Variants in PIK3C2G observed in about 807,000 individuals in gnomAD.
PIK3C2G encodes phosphatidylinositol-4-phosphate 3-kinase catalytic subunit type 2 gamma, also known as phosphatidylinositol 3-kinase C2 domain-containing subunit gamma.
Under a neutral mutation model 181.1 loss-of-function variants are expected in PIK3C2G, and 168 were observed. The observed-to-expected ratio is 0.93, with a 90% confidence interval of 0.82 to 1.05. The LOEUF (loss-of-function observed/expected upper bound fraction) is 1.05. PIK3C2G is among the 50% of genes least tolerant of loss of function. The pLI is 0.00. For synonymous variants in PIK3C2G, 573 were observed against 592.2 expected, an observed-to-expected ratio of 0.97 and a Z score of 0.47; for missense variants, 1,869 against 1,732.8, an observed-to-expected ratio of 1.08 and a Z score of -1.40.
chr12:18,506,231 A>G (rs1446874478), intron 24 of PIK3C2G, among the ~76,000 whole-genome samples: 1 of 152,160 alleles, frequency 6.6e-6, no homozygotes, highest in Non-Finnish European at 1.5e-5. Context: ...TCCAGTGACA[A>G]GAAGACCTGG....
intron 25 of PIK3C2G, among the ~76,000 whole-genome samples, chr12:18,541,086 T>C (rs2136249656): frequency 6.6e-6 from 1 of 152,106 alleles, no homozygotes; most frequent in Middle Eastern, 3.4e-3. Flanking sequence ...CCGACTCTTT[T>C]ATGTTAAATT....
At chr12:18,258,890 C>G (rs1393818468), upstream of PIK3C2G, among the ~76,000 whole-genome samples, 1 of 152,062 alleles carries the variant, frequency 6.6e-6, no homozygotes, top group African/African-American at 2.4e-5. Context: ...TCTATTGATT[C>G]ATTTTTTCCC....
chr12:18,309,148 T>C (rs1184713183), intron 5 of PIK3C2G, among the ~76,000 whole-genome samples: 7 of 151,640 alleles, frequency 4.6e-5, no homozygotes, highest in African/African-American at 7.2e-5. Flanking sequence ...AAAAAATCAA[T>C]ACTTTTCACA....
intron 24 of PIK3C2G, among the ~76,000 whole-genome samples, chr12:18,520,696 C>A (rs879894460): frequency 1.3e-5 from 2 of 152,108 alleles, no homozygotes; most frequent in African/African-American, 4.8e-5. Flanking sequence ...CTATTACCCC[C>A]CTTCTGAAGC....
chr12:18,442,117 G>A (rs891445671), intron 18 of PIK3C2G, among the ~76,000 whole-genome samples: 2 of 152,020 alleles, frequency 1.3e-5, no homozygotes, highest in African/African-American at 4.8e-5. Flanking sequence ...ATAGGAATAT[G>A]CAATTAGAAT....
intron 1 of PIK3C2G, among the ~76,000 whole-genome samples, chr12:18,279,877 A>T (rs940508348): frequency 6.6e-6 from 1 of 152,020 alleles, no homozygotes; most frequent in Non-Finnish European, 1.5e-5. Flanking sequence ...TCCCAAATTT[A>T]TCAGTTAGTT....
At chr12:18,338,657 G>A in intron 9 of PIK3C2G, 109 bp downstream of exon 9, 1 of 703,854 alleles carries the variant, frequency 1.4e-6, no homozygotes, top group Non-Finnish European at 2.5e-6. Flanking sequence ...GTATGTTTGT[G>A]TGTATCTGTG....
chr12:18,455,602 G>C lies in PIK3C2G; in HGVS notation c.2504+31563G>C, dbSNP rs182160757. Among the ~76,000 whole-genome samples the C allele has an allele frequency of 6.6e-4, 100 of 152,106 alleles. 1 individual carries two copies. The highest frequency in any genetic ancestry group is 6.1e-3 in the Admixed American group (93 of 15,272). On this transcript the variant is annotated intron_variant, in intron 18 of 32. Coordinates refer to ENST00000538779, the MANE Select transcript of PIK3C2G (RefSeq NM_001288772.2). ...GAATTTATTCCTATCAGTTCTGAAG[G>C]CTACAGAGTCCAAGATCAAGGTACC...
intron 30 of PIK3C2G, among the ~76,000 whole-genome samples, chr12:18,608,717 A>C (rs1411653900): frequency 6.6e-6 from 1 of 152,156 alleles, no homozygotes; most frequent in African/African-American, 2.4e-5. Flanking sequence ...TAATAAAAAA[A>C]GTATAGAATA....
intron 18 of PIK3C2G, among the ~76,000 whole-genome samples, chr12:18,427,324 G>A (rs377687069): frequency 4.0e-5 from 6 of 151,210 alleles, no homozygotes; most frequent in East Asian, 3.9e-4. Flanking sequence ...AGGCCAACAC[G>A]GTGAAACCCC....
intron 3 of PIK3C2G, among the ~76,000 whole-genome samples, chr12:18,290,069 CAT>C (rs1175804753): frequency 6.6e-6 from 1 of 152,078 alleles, no homozygotes; most frequent in Non-Finnish European, 1.5e-5. Flanking sequence ...AAATCTTTTA[CAT>C]GTCTTTTCTA....
chr12:18,563,351 G>C lies in PIK3C2G; in HGVS notation c.3781-26G>C, dbSNP rs11044186. 4,467 of 1,586,056 alleles carry C rather than the reference G, an allele frequency of 2.8e-3. 120 individuals carry two copies. In the African/African-American group the frequency reaches 0.054, roughly 19 times the overall value. On this transcript the variant is annotated intron_variant, in intron 27 of 32. Coordinates refer to ENST00000538779, the MANE Select transcript of PIK3C2G (RefSeq NM_001288772.2). ...TCACAGGCTGATATTGCCATCTTTT[G>C]ATTTCTATCTATTTACTTTCTGCAG... is the stretch of plus-strand genomic sequence containing the variant.
chr12:18,355,571 GT>G (rs1033350190), intron 11 of PIK3C2G, among the ~76,000 whole-genome samples: 4 of 152,116 alleles, frequency 2.6e-5, no homozygotes, highest in African/African-American at 9.7e-5. Context: ...GCTGCACGGG[GT>G]CCCTGGCCCC....
chr12:18,422,813 G>T (rs1036711455), intron 17 of PIK3C2G, among the ~76,000 whole-genome samples: 2 of 152,048 alleles, frequency 1.3e-5, no homozygotes, highest in African/African-American at 4.8e-5. Flanking sequence ...CATATAATAT[G>T]CTCACTATTA....
At chr12:18,284,814 A>G (rs1179893926) in intron 2 of PIK3C2G, among the ~76,000 whole-genome samples, 1 of 152,182 alleles carries the variant, frequency 6.6e-6, no homozygotes, top group Non-Finnish European at 1.5e-5. Context: ...AAAACTGTAG[A>G]AATTAGCCAA....
chr12:18,580,524 G>A (rs141673175), intron 29 of PIK3C2G, among the ~76,000 whole-genome samples: 3 of 152,286 alleles, frequency 2.0e-5, no homozygotes, highest in African/African-American at 7.2e-5. Context: ...CTTATTTGGA[G>A]CTAGCTGAGA....
intron 18 of PIK3C2G, among the ~76,000 whole-genome samples, chr12:18,457,611 G>A (rs1163858228): frequency 6.6e-6 from 1 of 151,906 alleles, no homozygotes; most frequent in East Asian, 1.9e-4. Flanking sequence ...CACTCTCTCT[G>A]TCTGTAATCA....
At chr12:18,412,270 G>C (rs570631537) in intron 16 of PIK3C2G, among the ~76,000 whole-genome samples, 1 of 152,274 alleles carries the variant, frequency 6.6e-6, no homozygotes, top group Non-Finnish European at 1.5e-5. Context: ...AATGATCCAT[G>C]CCAAACTGTG....
At chr12:18,718,183 A>C in the PIK3C2G span, among the ~76,000 whole-genome samples, 1 of 152,130 alleles carries the variant, frequency 6.6e-6, no homozygotes, top group Admixed American at 6.5e-5. Context: ...AGATATTTTC[A>C]AGTATTGGGA....
Sources: allele counts gnomAD v4.1 joint callset (sites outside exome capture counted in the v4.1 genomes callset), GRCh38; gene constraint gnomAD v4.1.1; transcripts MANE v1.5; gene names NCBI Gene and HGNC (gene_info 2026-07-23, HGNC 2026-07-21).